MMP16: variants seen among roughly 807,000 people sequenced by gnomAD.
MMP16 encodes the protein matrix metallopeptidase 16, also known as matrix metalloproteinase-16.
A neutral mutation model predicts 67.8 loss-of-function variants in MMP16; 12 were observed. The ratio of observed to expected loss-of-function variants is 0.18; its 90% CI spans 0.11 to 0.29. The LOEUF (loss-of-function observed/expected upper bound fraction) is 0.29, where lower values mean the gene tolerates loss of function less well. Ranked by LOEUF, MMP16 falls within the 10% of genes least tolerant of loss-of-function variation. MMP16 has a pLI of 1.00. For missense variants in MMP16, 475 were observed against 765.7 expected, an observed-to-expected ratio of 0.62 and a Z score of 4.48; for synonymous variants, 249 against 255.9, an observed-to-expected ratio of 0.97 and a Z score of 0.26.
chr8:88,105,392 T>G (rs1290105672), intron 6 of MMP16, among the ~76,000 whole-genome samples: 1 of 151,552 alleles, frequency 6.6e-6, no homozygotes, highest in Non-Finnish European at 1.5e-5. Flanking sequence ...TTGTAACGCA[T>G]AGTATTGCTG....
intron 1 of MMP16, among the ~76,000 whole-genome samples, chr8:88,315,055 T>C (rs923916539): frequency 2.0e-5 from 3 of 152,216 alleles, no homozygotes; most frequent in African/African-American, 4.8e-5. Context: ...ACTCCTTTAT[T>C]ACCCAAAGTC....
At chr8:88,139,866 A>G (rs1260323463) in intron 4 of MMP16, among the ~76,000 whole-genome samples, 1 of 152,066 alleles carries the variant, frequency 6.6e-6, no homozygotes, top group Non-Finnish European at 1.5e-5. Flanking sequence ...TTCCTAGGTA[A>G]TTTAAGTTCC....
At chr8:88,075,863 C>T (rs1808639905) in intron 6 of MMP16, among the ~76,000 whole-genome samples, 1 of 151,152 alleles carries the variant, frequency 6.6e-6, no homozygotes, top group Non-Finnish European at 1.5e-5. Flanking sequence ...TATTTTAGGA[C>T]CTTCTCATGC....
chr8:88,296,334 A>G (rs897750545), intron 1 of MMP16, among the ~76,000 whole-genome samples: 3 of 152,218 alleles, frequency 2.0e-5, no homozygotes, highest in Non-Finnish European at 4.4e-5. Flanking sequence ...TACAGAGTAC[A>G]ATGTGATTTT....
At chr8:88,220,106 T>C (rs1484249813) in intron 1 of MMP16, among the ~76,000 whole-genome samples, 1 of 152,246 alleles carries the variant, frequency 6.6e-6, no homozygotes, top group African/African-American at 2.4e-5. Context: ...TAACTGATGA[T>C]TTACTTCAGA....
chr8:88,191,556 T>C lies in MMP16; in HGVS notation c.282-4958A>G, dbSNP rs886945107. Among the ~76,000 whole-genome samples the C allele has an allele frequency of 2.6e-5, 4 of 151,872 alleles. No individual in the cohort carries two copies. The East Asian group carries it at 7.7e-4, about 29-fold the overall frequency. The stretch of plus-strand genomic sequence containing the variant: ...GTATATATGTTATTTAAAACAGGGA[T>C]TTTTTTTGGTACTTTGATAATAGAA... On this transcript the variant is annotated intron_variant, in intron 2 of 9. Transcript: ENST00000286614.
At chr8:88,197,350 T>C in intron 1 of MMP16, 44 bp from the exon 2 acceptor site, 2 of 1,481,850 alleles carry the variant, frequency 1.3e-6, no homozygotes, top group Non-Finnish European at 1.8e-6. Flanking sequence ...TTTTACAATT[T>C]AACAATAATT....
In MMP16 at chr8:88,120,848, A is replaced by AG. The variant is rs1302265155; in HGVS notation, c.710-1988dup. On this transcript the variant is annotated intron_variant, in intron 4 of 9. Transcript: ENST00000286614. Reference sequence around the variant, plus strand: ...GATTATATCTTGTTTTAATCTTTACAGGGAAAAAAAAAATTCCAAACTTCA... The same window carrying AG: ...GATTATATCTTGTTTTAATCTTTACAGGGGAAAAAAAAAATTCCAAACTTCA... Among the ~76,000 whole-genome samples, 155 of 151,978 alleles carry AG rather than the reference A, an allele frequency of 1.0e-3. 2 individuals carry two copies. Among genetic ancestry groups the AG allele is most frequent in the African/African-American group, 3.5e-3 (145 of 41,468 alleles).
intron 4 of MMP16, among the ~76,000 whole-genome samples, chr8:88,164,941 A>C (rs982244113): frequency 1.3e-5 from 2 of 151,914 alleles, no homozygotes; most frequent in Non-Finnish European, 2.9e-5. Context: ...CATACAAAAC[A>C]CATAAGCATT....
intron 6 of MMP16, among the ~76,000 whole-genome samples, chr8:88,103,874 T>G (rs1809189507): frequency 6.6e-6 from 1 of 151,804 alleles, no homozygotes; most frequent in African/African-American, 2.4e-5. Flanking sequence ...TTGATTTACA[T>G]AAGGCTATTT....
Position 88,172,366 on chromosome 8 carries a change from C to T in MMP16, c.405-4393G>A, listed in dbSNP as rs146914254. On this transcript the variant is annotated intron_variant, in intron 3 of 9. Coordinates refer to ENST00000286614, the MANE Select transcript of MMP16 (RefSeq NM_005941.5). ...AATAAATACAAGATATACAAGTATGCTTCAAAGTTAGAGCTAGAGTTCTGA... is the reference window on the plus strand; with the variant it reads ...AATAAATACAAGATATACAAGTATGTTTCAAAGTTAGAGCTAGAGTTCTGA... Among the ~76,000 whole-genome samples, 24 of 152,212 alleles carry T rather than the reference C, an allele frequency of 1.6e-4. No individual in the cohort carries two copies. In the East Asian group the frequency reaches 4.0e-3, roughly 26 times the overall value.
At chr8:88,065,490 C>T (rs958280837) in intron 7 of MMP16, among the ~76,000 whole-genome samples, 5 of 151,814 alleles carry the variant, frequency 3.3e-5, no homozygotes, top group Middle Eastern at 6.4e-3. Context: ...AATATTAATA[C>T]TAAAATTCCA....
intron 7 of MMP16, among the ~76,000 whole-genome samples, chr8:88,071,693 C>T (rs533911407): frequency 6.6e-6 from 1 of 152,210 alleles, no homozygotes; most frequent in Non-Finnish European, 1.5e-5. Flanking sequence ...GAATCTTATT[C>T]TTGGTTCATT....
At chr8:88,167,569 A>C (rs2129701860) in intron 4 of MMP16, 100 bp downstream of exon 4, 8 of 1,194,426 alleles carry the variant, frequency 6.7e-6, no homozygotes, top group Non-Finnish European at 9.2e-6. Context: ...TTTAAAAGTA[A>C]ATTTAGGATC....
At chr8:88,314,602 A>C (rs1159929110) in intron 1 of MMP16, among the ~76,000 whole-genome samples, 1 of 152,144 alleles carries the variant, frequency 6.6e-6, no homozygotes, top group Non-Finnish European at 1.5e-5. Flanking sequence ...ATTATTTTTC[A>C]TAACTGAGGC....
chr8:88,296,128 CATTT>C (rs1282630453), intron 1 of MMP16, among the ~76,000 whole-genome samples: 7 of 152,224 alleles, frequency 4.6e-5, no homozygotes, highest in Admixed American at 2.0e-4. Flanking sequence ...ATCATTCATC[CATTT>C]ATTCATTCAT....
intron 1 of MMP16, among the ~76,000 whole-genome samples, chr8:88,241,372 C>A (rs1007397433): frequency 6.6e-6 from 1 of 151,952 alleles, no homozygotes; most frequent in Non-Finnish European, 1.5e-5. Context: ...CAGAAATATG[C>A]ATGGAAGTTT....
chr8:88,310,911 G>GT (rs1014186296), intron 1 of MMP16, among the ~76,000 whole-genome samples: 12 of 152,022 alleles, frequency 7.9e-5, no homozygotes, highest in African/African-American at 2.4e-4. Flanking sequence ...GTGGATGTGT[G>GT]TTTTTTTGTG....
At chr8:88,228,800 T>C (rs1269487459) in intron 1 of MMP16, among the ~76,000 whole-genome samples, 2 of 152,048 alleles carry the variant, frequency 1.3e-5, no homozygotes, top group African/African-American at 2.4e-5. Flanking sequence ...ACATTCTTAC[T>C]AGGCTATTGT....
Sources: gnomAD v4.1 joint callset for allele counts (sites outside exome capture counted in the v4.1 genomes callset) on GRCh38, gnomAD v4.1.1 for gene constraint, MANE v1.5 for transcripts, NCBI Gene and HGNC (gene_info 2026-07-23, HGNC 2026-07-21) for gene names.